Variants in FBN3 observed in about 807,000 individuals in gnomAD.
FBN3 encodes fibrillin-3.
In FBN3, 234 loss-of-function variants were observed where a neutral mutation model predicts 330.1. That is an observed-to-expected ratio of 0.71 (90% CI 0.64 to 0.79). The LOEUF is 0.79. Among genes scored for constraint, FBN3 ranks in the 30% least tolerant of loss-of-function variants. The probability of loss-of-function intolerance (pLI) is 0.00; values close to 1 mark genes in which losing one functional copy is unlikely to be tolerated. For missense variants in FBN3, 3,606 were observed against 3,886.9 expected (o/e 0.93, Z 1.92); for synonymous variants, 1,458 against 1,517.3 (o/e 0.96, Z 0.91).
At chr19:8,081,166 G>T in intron 58 of FBN3, 47 bp from the exon 59 acceptor site, 2 of 1,559,260 alleles carry the variant, frequency 1.3e-6, no homozygotes, top group Non-Finnish European at 8.8e-7. Context: ...CCCAGTGGGG[G>T]ATTAGGGGCT....
chr19:8,135,420 G>A (rs556081281), intron 13 of FBN3, among the ~76,000 whole-genome samples: 1 of 152,116 alleles, frequency 6.6e-6, no homozygotes, highest in East Asian at 1.9e-4. Context: ...TGGGATTACA[G>A]GTGTCTGCCA....
At chr19:8,090,357 T>G in intron 48 of FBN3, 106 bp from the exon 49 acceptor site, 1 of 1,296,808 alleles carries the variant, frequency 7.7e-7, no homozygotes, top group Non-Finnish European at 1.1e-6. Flanking sequence ...GTGCTGATCC[T>G]GCCAGTGGCC....
chr19:8,136,589 G>T (rs1385692689), intron 10 of FBN3, 58 bp from the exon 11 acceptor site: 2 of 1,603,498 alleles, frequency 1.2e-6, no homozygotes, highest in Admixed American at 3.4e-5. Context: ...CCAGTCTGGA[G>T]CCTGGGCTTC....
At chr19:8,118,389 G>A (rs1441528268) in intron 26 of FBN3, among the ~76,000 whole-genome samples, 1 of 152,180 alleles carries the variant, frequency 6.6e-6, no homozygotes, top group South Asian at 2.1e-4. Flanking sequence ...GAGCCCAGGA[G>A]GTGGAGGCTG....
chr19:8,086,461 TA>T (rs1599300537), intron 54 of FBN3, 136 bp from the exon 55 acceptor site: 6 of 286,680 alleles, frequency 2.1e-5, no homozygotes, highest in South Asian at 1.5e-4. Flanking sequence ...TTATTATTAT[TA>T]TTATTATTTT....
At chr19:8,093,496 G>A (rs1402954740) in intron 47 of FBN3, among the ~76,000 whole-genome samples, 4 of 152,170 alleles carry the variant, frequency 2.6e-5, no homozygotes, top group South Asian at 2.1e-4. Flanking sequence ...GGTGGCGGGC[G>A]CCTGTAGTCC....
chr19:8,145,127 G>A (rs924770249), intron 5 of FBN3, among the ~76,000 whole-genome samples, 155 bp from the exon 6 acceptor site: 11 of 152,054 alleles, frequency 7.2e-5, no homozygotes, highest in African/African-American at 2.2e-4. Context: ...TAATCCGAGC[G>A]CTTTGGGAGG....
chr19:8,123,899 C>T lies in FBN3; in HGVS notation c.2841G>A (p.Trp947Ter). 1 of 1,613,992 alleles carries T rather than the reference C, an allele frequency of 6.2e-7. No homozygotes were observed. Among genetic ancestry groups the T allele is most frequent in the African/African-American group, 1.3e-5 (1 of 75,058 alleles). Reference sequence around the variant, plus strand: ...CCGGGCAGGCCTCGCACTCGACTCCCCACACGGCCCCGATGGAGCAGCAGC... The same window carrying T: ...CCGGGCAGGCCTCGCACTCGACTCCTCACACGGCCCCGATGGAGCAGCAGC... ...DVCCCSIGAV[W>*]GVECEACPDP... Residue 947 changes from tryptophan to a stop codon, truncating the protein, a stop_gained, in exon 23 of 64, where the codon TGG becomes TGA. Coordinates refer to ENST00000600128, the MANE Select transcript of FBN3 (RefSeq NM_032447.5). LOFTEE classifies it high-confidence loss of function.
chr19:8,135,935 T>TTGGGGGGGGGGGGGGGGGGC, intron 13 of FBN3, 26 bp downstream of exon 13: 144 of 1,344,148 alleles, frequency 1.1e-4, no homozygotes, highest in Non-Finnish European at 1.3e-4. Context: ...CGGAAGCCCC[T>TTGGGGGGGGGGGGGGGGGGC]GCCCACCCGC....
chr19:8,134,776 A>G (rs550677319), intron 13 of FBN3, among the ~76,000 whole-genome samples: 90 of 151,736 alleles, frequency 5.9e-4, no homozygotes, highest in African/African-American at 1.4e-3. Flanking sequence ...TCTACTAAAA[A>G]TACAAACGTT....
At position 8,143,091 on chromosome 19, in the gene FBN3, G is replaced by A. The variant is rs139997785; in HGVS notation, c.542-954C>T. On this transcript the variant is annotated intron_variant, in intron 6 of 63. Transcript: ENST00000600128. ...TCTCACAAGCCTGGATGTCCCTGAC[G>A]CCACCCACTCCGGTTCTCTTTCTCT... 4.0e-3 allele frequency among the ~76,000 whole-genome samples: 612 copies of A among 152,190 alleles called. 2 individuals carry two copies. The highest frequency in any genetic ancestry group is 0.014 in the African/African-American group (583 of 41,522).
At chr19:8,126,245 T>C in intron 21 of FBN3, 52 bp downstream of exon 21, 2 of 1,555,026 alleles carry the variant, frequency 1.3e-6, no homozygotes, top group Middle Eastern at 1.9e-4. Flanking sequence ...GTGCGCCTGG[T>C]TGTGTGCGGG....
chr19:8,123,869 G>T lies in FBN3; in HGVS notation c.2871C>A (p.Pro957=). 6.2e-7 allele frequency: 1 copy of T among 1,612,954 alleles called. No homozygotes were observed. Among genetic ancestry groups the T allele is most frequent in the Non-Finnish European group, 8.5e-7 (1 of 1,179,968 alleles). Residue 957 remains proline, a synonymous_variant, in exon 23 of 64, where the codon CCC becomes CCA. Coordinates refer to ENST00000600128, the MANE Select transcript of FBN3 (RefSeq NM_032447.5). The part of the protein sequence containing the change: ...WGVECEACPD[P]ESLEFASLCP... ...ACAGGCTGGCGAACTCCAGAGACTC[G>T]GGATCCGGGCAGGCCTCGCACTCGA...
At chr19:8,132,384 T>C (rs1267792399) in intron 14 of FBN3, among the ~76,000 whole-genome samples, 2 of 151,992 alleles carry the variant, frequency 1.3e-5, no homozygotes, top group Admixed American at 6.6e-5. Context: ...TCTGACTATG[T>C]TGCTCAGGCT....
At chr19:8,123,185 C>T (rs1308600692) in intron 24 of FBN3, among the ~76,000 whole-genome samples, 1 of 151,876 alleles carries the variant, frequency 6.6e-6, no homozygotes, top group Non-Finnish European at 1.5e-5. Context: ...GAAACACTAT[C>T]ACTACTGAAA....
At chr19:8,067,877 A>G (rs886963556) in intron 63 of FBN3, among the ~76,000 whole-genome samples, 2 of 151,946 alleles carry the variant, frequency 1.3e-5, no homozygotes, top group Non-Finnish European at 1.5e-5. Flanking sequence ...AGCCTGAGTA[A>G]CCTGGTGAAA....
In FBN3 at chr19:8,096,411, G is replaced by A; in HGVS notation, c.5539+33C>T. ...GGAGGTTTAGACCCCAGGCAGCCTG[G>A]CTTGAAAAGGAGGGGGAAGATAAGG... is the stretch of plus-strand genomic sequence containing the variant. On this transcript the variant is annotated intron_variant, in intron 44 of 63. Coordinates refer to ENST00000600128, the MANE Select transcript of FBN3 (RefSeq NM_032447.5). This position sits in a 1 kb window ranked among gnomAD's most constrained non-coding sequence, Gnocchi z 4.6. 6.2e-7 allele frequency: 1 copy of A among 1,600,496 alleles called. No individual in the cohort carries two copies. The highest frequency in any genetic ancestry group is 1.1e-5 in the South Asian group (1 of 89,708).
At chr19:8,070,625 C>G (rs918956398) in intron 63 of FBN3, among the ~76,000 whole-genome samples, 2 of 152,182 alleles carry the variant, frequency 1.3e-5, no homozygotes, top group Non-Finnish European at 2.9e-5. Context: ...AGTCCACGTG[C>G]CATATCCATG....
In FBN3 at chr19:8,139,299, A is replaced by T. The variant is rs531141075; in HGVS notation, c.866-735T>A. Among the ~76,000 whole-genome samples the T allele has an allele frequency of 7.9e-5, 12 of 152,268 alleles. No homozygotes were observed. The South Asian group carries it at 2.5e-3, about 32-fold the overall frequency. On this transcript the variant is annotated intron_variant, in intron 8 of 63. Coordinates refer to ENST00000600128, the MANE Select transcript of FBN3 (RefSeq NM_032447.5). The stretch of plus-strand genomic sequence containing the variant: ...GAGGCAGAGGTTGTAGTGAGCCAAG[A>T]TTGTGCCACTGCACTCCAGCCTGGG...
Sources: allele counts gnomAD v4.1 joint callset (sites outside exome capture counted in the v4.1 genomes callset), GRCh38; gene constraint gnomAD v4.1.1; non-coding constraint Gnocchi (gnomAD v3.1); transcripts MANE v1.5; gene names NCBI Gene and HGNC (gene_info 2026-07-23, HGNC 2026-07-21).